The following CNTNAP2 variants were observed in gnomAD, a reference collection of about 807,000 sequenced individuals.
The protein encoded by CNTNAP2 is contactin associated protein 2.
A neutral mutation model predicts 155.2 loss-of-function variants in CNTNAP2; 98 were observed. The ratio of observed to expected loss-of-function variants is 0.63; its 90% CI spans 0.54 to 0.75. The LOEUF (loss-of-function observed/expected upper bound fraction) is 0.75. CNTNAP2 is among the 30% of genes least tolerant of loss of function. The pLI is 0.00. For synonymous variants in CNTNAP2, 651 were observed against 631.2 expected (o/e 1.03, Z -0.47); for missense variants, 1,727 against 1,688.1 (o/e 1.02, Z -0.40).
chr7:147,127,947 T>C (rs1801274507), intron 6 of CNTNAP2, among the ~76,000 whole-genome samples: 1 of 152,186 alleles, frequency 6.6e-6, no homozygotes, highest in Non-Finnish European at 1.5e-5. Context: ...TTTTGTATCA[T>C]ATAAATTTAA....
In CNTNAP2 at chr7:146,922,309, C is replaced by A. The variant is rs140731116; in HGVS notation, c.402+82405C>A. Among the ~76,000 whole-genome samples, 219 of 150,070 alleles carry A rather than the reference C, an allele frequency of 1.5e-3. 1 individual carries two copies. Among genetic ancestry groups the A allele is most frequent in the African/African-American group, 4.8e-3 (197 of 40,992 alleles). ...CAGCCTTTTCAGTTTTCTCTTAGGA[C>A]AAAATTGATTTTGCTTTTATTGACA... is the stretch of plus-strand genomic sequence containing the variant. On this transcript the variant is annotated intron_variant, in intron 3 of 23. Transcript: ENST00000361727.
At chr7:148,130,197 A>G (rs1804801095) in intron 16 of CNTNAP2, among the ~76,000 whole-genome samples, 1 of 152,274 alleles carries the variant, frequency 6.6e-6, no homozygotes, top group African/African-American at 2.4e-5. Context: ...TTAAAGTTTT[A>G]CTAACCTCCC....
intron 8 of CNTNAP2, among the ~76,000 whole-genome samples, chr7:147,150,006 T>C (rs2129289125): frequency 6.6e-6 from 1 of 152,334 alleles, no homozygotes; most frequent in African/African-American, 2.4e-5. Context: ...TAACAGTCCC[T>C]TTAGCTGATA....
intron 13 of CNTNAP2, among the ~76,000 whole-genome samples, chr7:147,725,793 AC>A (rs1359271782): frequency 6.6e-6 from 1 of 152,042 alleles, no homozygotes; most frequent in Non-Finnish European, 1.5e-5. Flanking sequence ...CTCTGCTTCT[AC>A]CACAAACCAG....
intron 1 of CNTNAP2, among the ~76,000 whole-genome samples, chr7:146,404,042 G>C: frequency 6.9e-6 from 1 of 144,180 alleles, no homozygotes; most frequent in East Asian, 2.1e-4. Context: ...GGAGAATGGC[G>C]TGAACCCGGG....
chr7:148,034,624 A>C (rs1802540038), intron 15 of CNTNAP2, among the ~76,000 whole-genome samples: 1 of 152,218 alleles, frequency 6.6e-6, no homozygotes, highest in East Asian at 1.9e-4. Context: ...ACAGACGAAG[A>C]CAGAAAATGG....
chr7:147,317,325 C>A (rs192414031), intron 9 of CNTNAP2, among the ~76,000 whole-genome samples: 1 of 152,324 alleles, frequency 6.6e-6, no homozygotes, highest in African/African-American at 2.4e-5. Flanking sequence ...CTTCCTGTTT[C>A]TCTTGTGATT....
chr7:147,827,198 A>G (rs1798466611), intron 13 of CNTNAP2, among the ~76,000 whole-genome samples: 1 of 152,140 alleles, frequency 6.6e-6, no homozygotes, highest in African/African-American at 2.4e-5. Context: ...TAATAACTTT[A>G]GTAATTACTC....
intron 12 of CNTNAP2, among the ~76,000 whole-genome samples, chr7:147,574,125 T>C (rs1314066121): frequency 6.6e-6 from 1 of 152,176 alleles, no homozygotes; most frequent in African/African-American, 2.4e-5. Context: ...CTTTTCATTG[T>C]GGTTTTAAAT....
chr7:147,909,596 T>G (rs1371726333), intron 14 of CNTNAP2, among the ~76,000 whole-genome samples: 2 of 152,212 alleles, frequency 1.3e-5, no homozygotes, highest in Non-Finnish European at 2.9e-5. Flanking sequence ...GATTTACTAT[T>G]CACAGCAATA....
chr7:146,894,823 C>G (rs764998241), intron 3 of CNTNAP2, among the ~76,000 whole-genome samples: 1 of 152,138 alleles, frequency 6.6e-6, no homozygotes, highest in Non-Finnish European at 1.5e-5. Context: ...TATGAATGAA[C>G]AGTGTTTGCT....
In CNTNAP2 at chr7:147,627,208, G is replaced by A. The variant is rs117082749; in HGVS notation, c.1898-11898G>A. 5.8e-3 allele frequency among the ~76,000 whole-genome samples: 877 copies of A among 152,146 alleles called. 11 individuals are homozygous for A. The highest frequency in any genetic ancestry group is 0.031 in the Admixed American group (477 of 15,278). On this transcript the variant is annotated intron_variant, in intron 12 of 23. Coordinates refer to ENST00000361727, the MANE Select transcript of CNTNAP2 (RefSeq NM_014141.6). Reference sequence around the variant, plus strand: ...AGACCTCTCCACTGAAATAATCTACGCAAACGAGAAGGAACCAGAAAAGTA... The same window carrying A: ...AGACCTCTCCACTGAAATAATCTACACAAACGAGAAGGAACCAGAAAAGTA...
At chr7:147,925,474 A>AT (rs923337789) in intron 14 of CNTNAP2, among the ~76,000 whole-genome samples, 17 of 149,434 alleles carry the variant, frequency 1.1e-4, no homozygotes, top group African/African-American at 2.7e-4. Flanking sequence ...TTATTTTTTA[A>AT]TTTTTTTTTT....
At chr7:146,469,926 G>A (rs1011617593) in intron 1 of CNTNAP2, among the ~76,000 whole-genome samples, 12 of 147,976 alleles carry the variant, frequency 8.1e-5, no homozygotes, top group South Asian at 4.3e-4. Flanking sequence ...TGCAAACTCC[G>A]CCTCACGGGT....
chr7:146,940,830 TAGAG>T (rs150681710), intron 3 of CNTNAP2, among the ~76,000 whole-genome samples: 1 of 151,412 alleles, frequency 6.6e-6, no homozygotes, highest in Non-Finnish European at 1.5e-5. Context: ...TATATACATA[TAGAG>T]AGAAAGAGAG....
chr7:147,097,821 C>T (rs1349316185), intron 4 of CNTNAP2, among the ~76,000 whole-genome samples: 2 of 152,108 alleles, frequency 1.3e-5, no homozygotes, highest in Admixed American at 1.3e-4. Context: ...GAATATGTAG[C>T]GTGTTTCAAA....
chr7:146,374,412 T>A (rs1384999281), intron 1 of CNTNAP2, among the ~76,000 whole-genome samples: 1 of 152,178 alleles, frequency 6.6e-6, no homozygotes, highest in South Asian at 2.1e-4. Context: ...GTTATCCTTA[T>A]ACTTACATAA....
rs538584953 is a variant in CNTNAP2, at chr7:146,931,485, A to G, written c.402+91581A>G. On this transcript the variant is annotated intron_variant, in intron 3 of 23. Coordinates refer to ENST00000361727, the MANE Select transcript of CNTNAP2 (RefSeq NM_014141.6). ...ACTAAATGCCCACAAAAGAAAGCAGAAAAGATCCAAAACTGACACCCTAAC... is the reference window on the plus strand; with the variant it reads ...ACTAAATGCCCACAAAAGAAAGCAGGAAAGATCCAAAACTGACACCCTAAC... Among the ~76,000 whole-genome samples the G allele has an allele frequency of 1.3e-3, 191 of 149,988 alleles. 3 individuals are homozygous for G. Among genetic ancestry groups the G allele is most frequent in the South Asian group, 2.5e-3 (12 of 4,738 alleles).
At chr7:147,639,039 T>C in intron 12 of CNTNAP2, 67 bp from the exon 13 acceptor site, 1 of 1,496,720 alleles carries the variant, frequency 6.7e-7, no homozygotes, top group South Asian at 1.1e-5. Context: ...GCTCAATTAT[T>C]TTCTGACATT....
Sources: gnomAD v4.1 joint callset for allele counts (sites outside exome capture counted in the v4.1 genomes callset) on GRCh38, gnomAD v4.1.1 for gene constraint, MANE v1.5 for transcripts, NCBI Gene and HGNC (gene_info 2026-07-23, HGNC 2026-07-21) for gene names.